The following PBRM1 variants were observed in gnomAD, a reference collection of about 807,000 sequenced individuals.
PBRM1 encodes the protein protein polybromo-1.
Under a neutral mutation model 194.5 loss-of-function variants are expected in PBRM1, and 27 were observed. The ratio of observed to expected loss-of-function variants is 0.14; its 90% CI spans 0.10 to 0.19. PBRM1 has a LOEUF of 0.19. Among genes scored for constraint, PBRM1 ranks in the 10% least tolerant of loss-of-function variants. The pLI is 1.00. For synonymous variants in PBRM1, 655 were observed against 693.2 expected (o/e 0.94, Z 0.87); for missense variants, 1,466 against 2,077.2 (o/e 0.71, Z 5.72).
Position 52,609,281 on chromosome 3 carries a change from T to G in PBRM1, c.2567+32A>C. On this transcript the variant is annotated intron_variant, in intron 16 of 29. Coordinates refer to ENST00000296302, the Ensembl canonical transcript of PBRM1. The surrounding 1 kb of genome is among the most constrained non-coding windows in gnomAD (Gnocchi z 4.1). The stretch of plus-strand genomic sequence containing the variant: ...TCTGTTTTGTATTAAATAGCACATA[T>G]CCTCAAAATAAAAATGGCTTTGAAA... 6.5e-7 allele frequency: 1 copy of G among 1,539,848 alleles called. No individual in the cohort carries two copies. Among genetic ancestry groups the G allele is most frequent in the Non-Finnish European group, 8.9e-7 (1 of 1,121,098 alleles).
chr3:52,587,537 GAAGAGA>G, intron 18 of PBRM1, 27 bp from the exon 21 acceptor site: 1 of 1,497,428 alleles, frequency 6.7e-7, no homozygotes, highest in Non-Finnish European at 9.1e-7. Flanking sequence ...GGGGGAAGGG[GAAGAGA>G]AAGAGAATCA....
rs569447969 is a variant in PBRM1 at position 52,562,559 on chromosome 3, A to T, written c.4087-591T>A. On this transcript the variant is annotated intron_variant, in intron 24 of 29. Transcript: ENST00000296302. ...ATTCTTTTTTTTTTTTTTTTTTTTT[A>T]AATGATACAGGGTCTTGTTCTGTCA... 4.8e-3 allele frequency among the ~76,000 whole-genome samples: 594 copies of T among 123,706 alleles called. 3 individuals are homozygous for T. The highest frequency in any genetic ancestry group is 0.024 in the South Asian group (101 of 4,220). The allele number at this position is 123,706 out of a possible 152,430, so 81.2% of individuals were successfully genotyped here. A position where few individuals can be genotyped will look rare whatever the true frequency, so the allele number is the denominator to read the frequency against.
chr3:52,680,222 C>T (rs1578392863), upstream of PBRM1, among the ~76,000 whole-genome samples: 1 of 152,118 alleles, frequency 6.6e-6, no homozygotes, highest in East Asian at 1.9e-4. Flanking sequence ...AGAAGCAGAG[C>T]CCAGGACAAA....
intron 5 of PBRM1, 121 bp downstream of exon 6, chr3:52,658,077 GC>G: frequency 1.6e-6 from 1 of 620,592 alleles, no homozygotes; most frequent in Non-Finnish European, 3.0e-6. Flanking sequence ...ACAGGCATGA[GC>G]CACCACACCC....
exon 18 of PBRM1, chr3:52,589,200 G>A: frequency 6.3e-7 from 1 of 1,597,374 alleles, no homozygotes; most frequent in Admixed American, 1.8e-5. Flanking sequence ...GGCTGTATGT[G>A]CGATGTAAGC....
intron 18 of PBRM1, among the ~76,000 whole-genome samples, 177 bp downstream of exon 20, chr3:52,588,893 G>C (rs1256929476): frequency 6.6e-6 from 1 of 152,116 alleles, no homozygotes; most frequent in Non-Finnish European, 1.5e-5. Context: ...TGTGACACTT[G>C]CCCAATAGGT....
At chr3:52,654,942 CCAT>C (rs1400137290) in intron 5 of PBRM1, among the ~76,000 whole-genome samples, 2 of 152,026 alleles carry the variant, frequency 1.3e-5, no homozygotes, top group East Asian at 3.9e-4. Context: ...GTGCACACCA[CCAT>C]GACTAGCTAA....
chr3:52,635,718 T>G (rs1284437741), intron 10 of PBRM1, among the ~76,000 whole-genome samples: 1 of 152,212 alleles, frequency 6.6e-6, no homozygotes, highest in Non-Finnish European at 1.5e-5. Context: ...CAAAACAGTT[T>G]CTTTCTGAAA....
At chr3:52,606,272 G>A (rs776798179) in intron 16 of PBRM1, among the ~76,000 whole-genome samples, 2 of 152,088 alleles carry the variant, frequency 1.3e-5, no homozygotes, top group Non-Finnish European at 2.9e-5. Flanking sequence ...GGCTCCAAAA[G>A]TGCTGGGATT....
At chr3:52,545,944 T>C (rs555468287), downstream of PBRM1, 1 of 233,028 alleles carries the variant, frequency 4.3e-6, no homozygotes, top group Admixed American at 5.6e-5. Context: ...AACATGATTC[T>C]AAAATAAATA....
chr3:52,616,208 A>G (rs1288538318), intron 14 of PBRM1, among the ~76,000 whole-genome samples: 1 of 152,182 alleles, frequency 6.6e-6, no homozygotes, highest in Non-Finnish European at 1.5e-5. Flanking sequence ...TTAAGATAGA[A>G]CCATTTTTTT....
intron 9 of PBRM1, among the ~76,000 whole-genome samples, chr3:52,642,636 CCAAA>C (rs995407861): frequency 4.8e-5 from 7 of 146,652 alleles, no homozygotes; most frequent in Middle Eastern, 3.4e-3. Context: ...AAACCAAAAA[CCAAA>C]CAAACAAAAA....
chr3:52,597,587 A>G (rs1351253840), intron 17 of PBRM1, among the ~76,000 whole-genome samples: 1 of 152,026 alleles, frequency 6.6e-6, no homozygotes, highest in African/African-American at 2.4e-5. Flanking sequence ...GTTTTTTTAC[A>G]GACAGGGTTC....
intron 22 of PBRM1, among the ~76,000 whole-genome samples, chr3:52,569,296 C>T (rs546375587): frequency 6.6e-6 from 1 of 151,824 alleles, no homozygotes; most frequent in African/African-American, 2.4e-5. Flanking sequence ...TTGCAAGCTC[C>T]GCCTCCCCGG....
exon 15 of PBRM1, chr3:52,615,403 C>T (rs2094901986): frequency 6.2e-7 from 1 of 1,613,246 alleles, no homozygotes; most frequent in East Asian, 2.2e-5. Flanking sequence ...GTGGGCCCAG[C>T]TCTTTCCTTT....
chr3:52,619,463 A>T (rs2095159076), intron 13 of PBRM1, among the ~76,000 whole-genome samples: 1 of 152,260 alleles, frequency 6.6e-6, no homozygotes, highest in African/African-American at 2.4e-5. Context: ...CATGACAGAA[A>T]AAAAGTCTGT....
chr3:52,570,125 C>A lies in PBRM1; in HGVS notation c.3692-5892G>T, dbSNP rs1211653073. ...TAGCTGGGATTAAAGGCACCCACCA[C>A]CACGCCCACATCAGCTAATTTTTGT... On this transcript the variant is annotated intron_variant, in intron 22 of 29. Coordinates refer to ENST00000296302, the Ensembl canonical transcript of PBRM1. Among the ~76,000 whole-genome samples the A allele has an allele frequency of 1.3e-5, 2 of 152,340 alleles. 1 individual carries two copies. The highest frequency in any genetic ancestry group is 6.8e-3 in the Middle Eastern group (2 of 294).
At chr3:52,620,973 G>A (rs924556673) in intron 13 of PBRM1, among the ~76,000 whole-genome samples, 4 of 151,904 alleles carry the variant, frequency 2.6e-5, no homozygotes, top group Admixed American at 6.6e-5. Context: ...GTTTTAATCC[G>A]GCTGCCAGAA....
intron 11 of PBRM1, among the ~76,000 whole-genome samples, chr3:52,634,394 G>A (rs181907642): frequency 7.5e-5 from 10 of 133,110 alleles, no homozygotes; most frequent in African/African-American, 2.3e-4. Context: ...CCGAGATCAC[G>A]CCACTGCACT....
Sources: gnomAD v4.1 joint callset for allele counts (sites outside exome capture counted in the v4.1 genomes callset) on GRCh38, gnomAD v4.1.1 for gene constraint, Gnocchi (gnomAD v3.1) non-coding constraint, MANE v1.5 for transcripts, NCBI Gene and HGNC (gene_info 2026-07-23, HGNC 2026-07-21) for gene names.